RBFOX1: variants seen among roughly 807,000 people sequenced by gnomAD.
The protein encoded by RBFOX1 is RNA binding fox-1 homolog 1.
RBFOX1 carries 8 observed loss-of-function variants against 57.7 expected under a neutral mutation model. That is an observed-to-expected ratio of 0.14 (90% confidence interval 0.08 to 0.25). RBFOX1 has a LOEUF of 0.25. Among genes scored for constraint, RBFOX1 ranks in the 10% least tolerant of loss-of-function variants. RBFOX1 has a pLI of 1.00. For synonymous variants in RBFOX1, 326 were observed against 222.4 expected, an observed-to-expected ratio of 1.47 and a Z score of -4.15; for missense variants, 611 against 548.5, an observed-to-expected ratio of 1.11 and a Z score of -1.14.
chr16:7,599,437 C>A (rs182246975), intron 9 of RBFOX1, among the ~76,000 whole-genome samples: 2 of 142,820 alleles, frequency 1.4e-5, no homozygotes, highest in African/African-American at 4.9e-5. Flanking sequence ...TGACCAGGGA[C>A]TGAAAACTAG....
chr16:6,497,043 A>G (rs42190), intron 2 of RBFOX1, among the ~76,000 whole-genome samples: 1 of 152,050 alleles, frequency 6.6e-6, no homozygotes, highest in African/African-American at 2.4e-5. Context: ...GTTGGCTTAT[A>G]TGAGGCTCTC....
At chr16:6,802,102 C>T (rs2085608266) in intron 3 of RBFOX1, among the ~76,000 whole-genome samples, 1 of 152,014 alleles carries the variant, frequency 6.6e-6, no homozygotes, top group Non-Finnish European at 1.5e-5. Flanking sequence ...TAAACAAGTC[C>T]TGTTAAGAAA....
intron 3 of RBFOX1, among the ~76,000 whole-genome samples, chr16:6,957,077 C>T (rs986668944): frequency 1.4e-5 from 2 of 143,744 alleles, no homozygotes; most frequent in East Asian, 1.9e-4. Flanking sequence ...GCTGGTTGCC[C>T]ATGTTTTTTG....
At chr16:5,824,806 C>G (rs1475720874) in intron 3 of RBFOX1, among the ~76,000 whole-genome samples, 1 of 152,164 alleles carries the variant, frequency 6.6e-6, no homozygotes, top group Non-Finnish European at 1.5e-5. Flanking sequence ...CAGAGAGTAT[C>G]TAGAAGGGAA....
chr16:7,264,179 C>T (rs542966311), intron 4 of RBFOX1, among the ~76,000 whole-genome samples: 18 of 152,182 alleles, frequency 1.2e-4, no homozygotes, highest in African/African-American at 4.3e-4. Context: ...GACTCCAGAC[C>T]TCAAGCACTT....
intron 4 of RBFOX1, among the ~76,000 whole-genome samples, chr16:7,189,901 C>G (rs1275032887): frequency 6.6e-6 from 1 of 152,228 alleles, no homozygotes; most frequent in Non-Finnish European, 1.5e-5. Context: ...ATAAGAAAAA[C>G]AGATCATTCT....
intron 4 of RBFOX1, among the ~76,000 whole-genome samples, chr16:7,059,894 G>C (rs1176552641): frequency 6.6e-6 from 1 of 152,132 alleles, no homozygotes; most frequent in Non-Finnish European, 1.5e-5. Context: ...GTAAGAAAAA[G>C]AGCTGTTTCT....
At chr16:6,037,355 T>C (rs1348241220) in intron 1 of RBFOX1, 1 of 152,170 alleles carries the variant, frequency 6.6e-6, no homozygotes, top group Non-Finnish European at 1.5e-5. Context: ...TGCGGGAGAA[T>C]ATTTGCAACA....
chr16:6,721,832 AC>A (rs1418675027), intron 3 of RBFOX1: 13 of 153,122 alleles, frequency 8.5e-5, no homozygotes, highest in African/African-American at 2.9e-4. Flanking sequence ...GATCACGCTC[AC>A]ACGCCTATTG....
At chr16:5,338,092 T>G (rs1171526205) in intron 1 of RBFOX1, among the ~76,000 whole-genome samples, 1 of 152,078 alleles carries the variant, frequency 6.6e-6, no homozygotes, top group East Asian at 1.9e-4. Flanking sequence ...GGATAGAGGG[T>G]GATCCCAGGC....
intron 4 of RBFOX1, among the ~76,000 whole-genome samples, chr16:7,428,326 T>G: frequency 7.2e-6 from 1 of 137,990 alleles, no homozygotes; most frequent in South Asian, 2.2e-4. Flanking sequence ...TTAATATCTT[T>G]TTTTTTTTTT....
At chr16:5,509,364 G>A (rs1004403273) in intron 2 of RBFOX1, among the ~76,000 whole-genome samples, 1 of 152,134 alleles carries the variant, frequency 6.6e-6, no homozygotes, top group Non-Finnish European at 1.5e-5. Flanking sequence ...GGAGAAGCGG[G>A]TGATCTCCCT....
chr16:6,655,473 T>G (rs1055551541), intron 3 of RBFOX1, among the ~76,000 whole-genome samples: 2 of 149,476 alleles, frequency 1.3e-5, no homozygotes, highest in East Asian at 2.0e-4. Context: ...TATCTGAGAT[T>G]AAGGGGGTAG....
intron 1 of RBFOX1, among the ~76,000 whole-genome samples, chr16:6,098,982 C>A (rs568792367): frequency 2.9e-4 from 44 of 152,176 alleles, no homozygotes; most frequent in Non-Finnish European, 4.6e-4. Flanking sequence ...ACTATTAATT[C>A]ATGATTCATA....
chr16:6,140,953 C>T (rs988147089), intron 1 of RBFOX1, among the ~76,000 whole-genome samples: 3 of 151,456 alleles, frequency 2.0e-5, no homozygotes, highest in African/African-American at 7.3e-5. Flanking sequence ...AGTCTCAGCT[C>T]GTATTCTCCC....
At chr16:7,041,511 T>C (rs2046183060) in intron 3 of RBFOX1, among the ~76,000 whole-genome samples, 1 of 152,190 alleles carries the variant, frequency 6.6e-6, no homozygotes, top group Non-Finnish European at 1.5e-5. Context: ...CTGTCCTTAC[T>C]TCCTCATTCG....
intron 4 of RBFOX1, among the ~76,000 whole-genome samples, chr16:7,446,282 G>C (rs1232123402): frequency 2.6e-5 from 4 of 152,168 alleles, no homozygotes; most frequent in Non-Finnish European, 5.9e-5. Context: ...TTCTATGATT[G>C]AGTTGCTTGT....
chr16:6,931,023 G>A (rs551123905), intron 3 of RBFOX1, among the ~76,000 whole-genome samples: 1 of 151,414 alleles, frequency 6.6e-6, no homozygotes, highest in Non-Finnish European at 1.5e-5. Flanking sequence ...AAATTTTTTG[G>A]ATGTAGAAAT....
chr16:6,525,727 A>G (rs933942952), intron 2 of RBFOX1, among the ~76,000 whole-genome samples: 1 of 151,960 alleles, frequency 6.6e-6, no homozygotes, highest in African/African-American at 2.4e-5. Flanking sequence ...GGTGGTGGAA[A>G]GGAGGGAAGG....
Sources: gnomAD v4.1 joint callset for allele counts (sites outside exome capture counted in the v4.1 genomes callset) on GRCh38, gnomAD v4.1.1 for gene constraint, MANE v1.5 for transcripts, NCBI Gene and HGNC (gene_info 2026-07-23, HGNC 2026-07-21) for gene names.